The following ZXDC variants were observed in gnomAD, a reference collection of about 807,000 sequenced individuals.
ZXDC encodes zinc finger protein ZXDC.
In ZXDC, 58 loss-of-function variants were observed where a neutral mutation model predicts 63.6. That is an observed-to-expected ratio of 0.91 (90% CI 0.74 to 1.13). The LOEUF (loss-of-function observed/expected upper bound fraction) is 1.13, where lower values mean the gene tolerates loss of function less well. Among genes scored for constraint, ZXDC ranks in the 50% most tolerant of loss-of-function variants. The pLI, the probability that ZXDC is intolerant of heterozygous loss-of-function variation, is 0.00. For synonymous variants in ZXDC, 561 were observed against 496.1 expected, an observed-to-expected ratio of 1.13 and a Z score of -1.74; for missense variants, 1,133 against 1,148.9, an observed-to-expected ratio of 0.99 and a Z score of 0.20.
intron 9 of ZXDC, among the ~76,000 whole-genome samples, chr3:126,438,983 G>C (rs1933568055): frequency 6.6e-6 from 1 of 152,166 alleles, no homozygotes; most frequent in Non-Finnish European, 1.5e-5. Flanking sequence ...TGCCAGGCAG[G>C]ATGGAGCAGA....
At chr3:126,441,628 C>G (rs1475608867) in intron 8 of ZXDC, 137 bp downstream of exon 8, 136 of 1,418,882 alleles carry the variant, frequency 9.6e-5, no homozygotes, top group Non-Finnish European at 1.2e-4. Context: ...GGGCAGTCTA[C>G]AGGGGAGGAT....
chr3:126,465,264 C>T (rs1934711790), intron 5 of ZXDC, among the ~76,000 whole-genome samples: 1 of 152,252 alleles, frequency 6.6e-6, no homozygotes, highest in Admixed American at 6.5e-5. Context: ...CATGGGTGTG[C>T]TCCCCAGAGG....
At position 126,438,454 on chromosome 3, in the gene ZXDC, A is replaced by T. The variant is rs1431041432; in HGVS notation, c.2498T>A (p.Leu833His). ...DLPVYVLQEV[L>H]PSSGGPAGPE... ...TCCAGCAGGGCCTCCAGATGAGGGG[A>T]GCACCTCCTGCAAAACCAAGCATTG... The change falls in exon 10 of 10, where the codon CTC (leucine) becomes CAC (histidine). Residue 833 changes from leucine (L) to histidine (H), a missense_variant. Transcript: ENST00000389709. 6.2e-7 allele frequency: 1 copy of T among 1,613,360 alleles called. No individual in the cohort carries two copies. The highest frequency in any genetic ancestry group is 1.1e-5 in the South Asian group (1 of 90,970).
Position 126,475,557 on chromosome 3 carries a change from G to C in ZXDC, c.309C>G (p.Asn103Lys). Residue 103 changes from asparagine (N) to lysine (K), a missense_variant, in exon 1 of 10, where the codon AAC (asparagine) becomes AAG (lysine). Physicochemically the swap from Asn to Lys is moderately conservative, Grantham distance 94 (BLOSUM62 0). Coordinates refer to ENST00000389709, the MANE Select transcript of ZXDC (RefSeq NM_025112.5). ...GGCCCTGCTCGGGGCGGCTCGCCAG[G>C]TTGACACGGGAGCCAGGCTCGGCCT... ...SQEAEPGSRV[N>K]LASRPEQGPS... The C allele has an allele frequency of 7.1e-7, 1 of 1,406,310 alleles. No homozygotes were observed. The highest frequency in any genetic ancestry group is 1.5e-5 in the South Asian group (1 of 67,750). The allele number at this position is 1,406,310 out of a possible 1,614,324, so 87.1% of individuals were successfully genotyped here.
At chr3:126,461,296 C>T (rs1934522937) in intron 6 of ZXDC, 2 of 1,328,838 alleles carry the variant, frequency 1.5e-6, no homozygotes, top group Admixed American at 3.5e-5. Context: ...TCCAAAGGAC[C>T]TCAGAAAGCA....
intron 7 of ZXDC, chr3:126,451,848 C>T: frequency 1.0e-6 from 1 of 985,236 alleles, no homozygotes; most frequent in Middle Eastern, 5.2e-4. Flanking sequence ...CTCAGTGGCA[C>T]CCGTGCAGGA....
At chr3:126,443,497 A>G (rs1166409563) in intron 7 of ZXDC, 3 of 152,262 alleles carry the variant, frequency 2.0e-5, no homozygotes, top group Non-Finnish European at 2.9e-5. Flanking sequence ...TAATTTAAAA[A>G]TACTTTATTG....
Position 126,473,792 on chromosome 3 carries a change from A to T in ZXDC, c.907+1167T>A, listed in dbSNP as rs141659227. ...CCGTGTGCATATACAGGTTAGGGGC[A>T]TGCTAGGCACACATTCCAGTTTCTG... On this transcript the variant is annotated intron_variant, in intron 1 of 9. Transcript: ENST00000389709. Among the ~76,000 whole-genome samples the T allele has an allele frequency of 2.6e-5, 4 of 152,360 alleles. No individual in the cohort carries two copies. The East Asian group carries it at 7.7e-4, about 29-fold the overall frequency.
In ZXDC at chr3:126,475,422, A is replaced by C. The variant is rs1207574730; in HGVS notation, c.444T>G (p.Ser148=). Residue 148 remains serine (S), a synonymous_variant, in exon 1 of 10, where the codon TCT becomes TCG. Transcript: ENST00000389709. ...VRLDRGVLAL[S]APPGPATAGA... ...CCGCGGTTGCGGGGCCGGGCGGCGC[A>C]GACAGCGCGAGGACGCCGCGGTCGA... 4.2e-6 allele frequency: 5 copies of C among 1,183,800 alleles called. No individual in the cohort carries two copies. In the African/African-American group the frequency reaches 8.1e-5, roughly 19 times the overall value. 73.3% of individuals were successfully genotyped at this position (1,183,800 alleles called of 1,614,324 possible). A position where few individuals can be genotyped will look rare whatever the true frequency, so the allele number is the denominator to read the frequency against.
rs749639294 is a variant in ZXDC at position 126,462,088 on chromosome 3, G to A, written c.1574C>T (p.Ser525Phe). The A allele has an allele frequency of 1.9e-6, 3 of 1,614,154 alleles. No homozygotes were observed. The highest frequency in any genetic ancestry group is 1.1e-5 in the South Asian group (1 of 91,080). ...CAGAGCCTCATCCGACCCACCTGCA[G>A]AACCACTAGCATTGGCAGGTGTGTC... The part of the protein sequence containing the change: ...FSDTPANASG[S>F]AGGSDEALNS... Residue 525 changes from serine to phenylalanine, a missense_variant, in exon 6 of 10, where the codon TCT (serine) becomes TTT (phenylalanine). Coordinates refer to ENST00000389709, the MANE Select transcript of ZXDC (RefSeq NM_025112.5).
At chr3:126,441,066 T>G (rs1933656832) in intron 8 of ZXDC, 1 of 985,312 alleles carries the variant, frequency 1.0e-6, no homozygotes, top group Non-Finnish European at 1.2e-6. Flanking sequence ...TGTATATCTC[T>G]TCTCTCCCCA....
intron 7 of ZXDC, among the ~76,000 whole-genome samples, chr3:126,455,690 A>G (rs1934276565): frequency 6.6e-6 from 1 of 152,210 alleles, no homozygotes; most frequent in Non-Finnish European, 1.5e-5. Context: ...AATACTGACT[A>G]CAGCCCAAAG....
intron 4 of ZXDC, among the ~76,000 whole-genome samples, chr3:126,469,036 C>G (rs1477149620): frequency 6.6e-6 from 1 of 152,174 alleles, no homozygotes; most frequent in Middle Eastern, 3.2e-3. Context: ...ACTTAGTAAC[C>G]AATCCAGCCT....
intron 7 of ZXDC, among the ~76,000 whole-genome samples, chr3:126,448,279 G>A (rs746482812): frequency 6.6e-6 from 1 of 152,224 alleles, no homozygotes; most frequent in Non-Finnish European, 1.5e-5. Flanking sequence ...CAACAAGTAT[G>A]TACTGTATCT....
At chr3:126,463,384 AC>A (rs1313051139) in intron 5 of ZXDC, among the ~76,000 whole-genome samples, 1 of 152,154 alleles carries the variant, frequency 6.6e-6, no homozygotes, top group African/African-American at 2.4e-5. Context: ...CATGATTCTA[AC>A]AGGCCCTTCT....
At chr3:126,457,513 C>T in intron 7 of ZXDC, 1 of 985,438 alleles carries the variant, frequency 1.0e-6, no homozygotes, top group Non-Finnish European at 1.2e-6. Flanking sequence ...CTGCTGCACT[C>T]ACACACGGAG....
Position 126,438,300 on chromosome 3 carries a change from C to T in ZXDC, c.*75G>A. On this transcript the variant is annotated 3_prime_UTR_variant, in exon 10 of 10. Transcript: ENST00000389709. The stretch of plus-strand genomic sequence containing the variant: ...GAACGGAAACCAAATGAGGTCTCCC[C>T]AGGCTCATGTCATGAGTCTCAGGGA... 2 of 1,299,174 alleles carry T rather than the reference C, an allele frequency of 1.5e-6. No individual in the cohort carries two copies. Among genetic ancestry groups the T allele is most frequent in the South Asian group, 1.3e-5 (1 of 79,668 alleles). The allele number at this position is 1,299,174 out of a possible 1,614,324, so 80.5% of individuals were successfully genotyped here.
intron 4 of ZXDC, among the ~76,000 whole-genome samples, chr3:126,469,357 G>A (rs558256839): frequency 3.9e-5 from 6 of 152,160 alleles, no homozygotes; most frequent in South Asian, 2.1e-4. Context: ...CGCATTAGAC[G>A]CACAAGGGTA....
intron 1 of ZXDC, among the ~76,000 whole-genome samples, chr3:126,474,324 A>C (rs1017826137): frequency 2.0e-5 from 3 of 152,066 alleles, no homozygotes; most frequent in Non-Finnish European, 4.4e-5. Flanking sequence ...TCGGCCTCCC[A>C]AAGTGCTGGG....
Sources: allele counts gnomAD v4.1 joint callset (sites outside exome capture counted in the v4.1 genomes callset), GRCh38; gene constraint gnomAD v4.1.1; transcripts MANE v1.5; gene names NCBI Gene and HGNC (gene_info 2026-07-23, HGNC 2026-07-21).